Variants in MAGI2 observed in about 807,000 individuals in gnomAD.
MAGI2 encodes membrane-associated guanylate kinase, WW and PDZ domain-containing protein 2.
MAGI2 carries 35 observed loss-of-function variants against 133.3 expected under a neutral mutation model. The ratio of observed to expected loss-of-function variants is 0.26; its 90% CI spans 0.20 to 0.35. The LOEUF is 0.35. Ranked by LOEUF, MAGI2 falls within the 10% of genes least tolerant of loss-of-function variation. The pLI is 1.00. For synonymous variants in MAGI2, 729 were observed against 710.6 expected, an observed-to-expected ratio of 1.03 and a Z score of -0.41; for missense variants, 1,636 against 1,863.4, an observed-to-expected ratio of 0.88 and a Z score of 2.25.
intron 6 of MAGI2, among the ~76,000 whole-genome samples, chr7:78,476,060 G>C (rs1178041966): frequency 6.6e-6 from 1 of 151,852 alleles, no homozygotes; most frequent in Non-Finnish European, 1.5e-5. Context: ...GGGTTCAGAA[G>C]TTGTATTCAT....
chr7:78,431,838 G>GA (rs1482880042), intron 6 of MAGI2, among the ~76,000 whole-genome samples: 4 of 151,882 alleles, frequency 2.6e-5, no homozygotes, highest in African/African-American at 7.3e-5. Context: ...ACTAGGAGGA[G>GA]AAAATAGACA....
chr7:78,303,542 C>T (rs1337769707), intron 9 of MAGI2, among the ~76,000 whole-genome samples: 1 of 152,116 alleles, frequency 6.6e-6, no homozygotes, highest in Non-Finnish European at 1.5e-5. Context: ...AGCGTTGGAA[C>T]TGTCTTTAAC....
At chr7:78,365,912 T>C (rs1393909684) in intron 7 of MAGI2, among the ~76,000 whole-genome samples, 1 of 152,228 alleles carries the variant, frequency 6.6e-6, no homozygotes, top group East Asian at 1.9e-4. Flanking sequence ...TACACTGATT[T>C]CAATCTGATG....
At chr7:78,802,779 G>T (rs969622396) in intron 2 of MAGI2, among the ~76,000 whole-genome samples, 1 of 152,062 alleles carries the variant, frequency 6.6e-6, no homozygotes, top group East Asian at 1.9e-4. Context: ...GTGTCTTGTA[G>T]GTTCATCAAT....
intron 1 of MAGI2, among the ~76,000 whole-genome samples, chr7:79,014,174 G>A (rs1186402091): frequency 1.3e-5 from 2 of 152,126 alleles, no homozygotes; most frequent in African/African-American, 4.8e-5. Flanking sequence ...ATATTCTCTA[G>A]CTCAATTGAA....
At chr7:78,109,437 C>T (rs547801660) in intron 20 of MAGI2, among the ~76,000 whole-genome samples, 2 of 150,002 alleles carry the variant, frequency 1.3e-5, no homozygotes, top group Non-Finnish European at 3.0e-5. Flanking sequence ...TCGAGACCAT[C>T]CTGGCTAAAA....
At chr7:78,956,119 C>T (rs556725430) in intron 2 of MAGI2, among the ~76,000 whole-genome samples, 1 of 152,126 alleles carries the variant, frequency 6.6e-6, no homozygotes, top group Non-Finnish European at 1.5e-5. Context: ...AAGGCCAGTG[C>T]AAGAGGGGCA....
intron 10 of MAGI2, among the ~76,000 whole-genome samples, chr7:78,221,043 A>G (rs937933430): frequency 1.3e-5 from 2 of 152,166 alleles, no homozygotes; most frequent in Non-Finnish European, 1.5e-5. Context: ...TTGGCTCACT[A>G]TGCCATGTTG....
chr7:78,433,960 G>A (rs190628351), intron 6 of MAGI2, among the ~76,000 whole-genome samples: 2 of 152,202 alleles, frequency 1.3e-5, no homozygotes, highest in East Asian at 1.9e-4. Flanking sequence ...CCACAGTCTC[G>A]TCTAGCCAAA....
intron 2 of MAGI2, among the ~76,000 whole-genome samples, chr7:78,665,810 A>G (rs1813499673): frequency 6.6e-6 from 1 of 152,182 alleles, no homozygotes; most frequent in African/African-American, 2.4e-5. Flanking sequence ...CATTAAACTA[A>G]TCTTTGTTGA....
chr7:78,449,995 A>G (rs1391956339), intron 6 of MAGI2, among the ~76,000 whole-genome samples: 1 of 152,110 alleles, frequency 6.6e-6, no homozygotes, highest in African/African-American at 2.4e-5. Context: ...ATGGAGCTTC[A>G]TATTTTTCTT....
intron 2 of MAGI2, among the ~76,000 whole-genome samples, chr7:78,937,601 C>T (rs1223634828): frequency 1.3e-5 from 2 of 152,052 alleles, no homozygotes; most frequent in Non-Finnish European, 2.9e-5. Context: ...TTAACGTCAC[C>T]ATCACAAAGT....
At chr7:78,528,870 A>T (rs1197085501) in intron 3 of MAGI2, among the ~76,000 whole-genome samples, 1 of 152,196 alleles carries the variant, frequency 6.6e-6, no homozygotes, top group African/African-American at 2.4e-5. Flanking sequence ...AAAATATACC[A>T]AATAGCATTT....
At chr7:78,156,334 T>C (rs964052373) in intron 16 of MAGI2, among the ~76,000 whole-genome samples, 8 of 152,054 alleles carry the variant, frequency 5.3e-5, no homozygotes, top group African/African-American at 1.9e-4. Flanking sequence ...CCCTCAGAGA[T>C]ATGTTCATCT....
chr7:79,140,118 T>C (rs1562933513), intron 1 of MAGI2, among the ~76,000 whole-genome samples: 1 of 152,180 alleles, frequency 6.6e-6, no homozygotes, highest in Non-Finnish European at 1.5e-5. Context: ...GGTCTTTAAA[T>C]AGGTCATTTG....
intron 2 of MAGI2, among the ~76,000 whole-genome samples, chr7:78,777,924 A>G (rs923583995): frequency 7.9e-5 from 12 of 152,158 alleles, no homozygotes; most frequent in East Asian, 1.9e-4. Flanking sequence ...GTAATTCATC[A>G]TATATTAACA....
At chr7:79,132,435 C>T (rs541394403) in intron 1 of MAGI2, among the ~76,000 whole-genome samples, 8 of 151,976 alleles carry the variant, frequency 5.3e-5, no homozygotes, top group Non-Finnish European at 8.8e-5. Flanking sequence ...GAATAATGGC[C>T]TCCAGATCCA....
intron 2 of MAGI2, among the ~76,000 whole-genome samples, chr7:78,647,697 A>C (rs948047276): frequency 1.7e-4 from 26 of 152,182 alleles, no homozygotes; most frequent in African/African-American, 6.3e-4. Flanking sequence ...ACATGCACAC[A>C]TATGTTTATT....
intron 3 of MAGI2, among the ~76,000 whole-genome samples, chr7:78,564,783 CTTTTTT>C (rs35069216): frequency 1.1e-4 from 7 of 64,318 alleles, no homozygotes; most frequent in East Asian, 1.1e-3. Context: ...CTTTGACATT[CTTTTTT>C]TTTTTTTTTT....
Sources: gnomAD v4.1 joint callset for allele counts (sites outside exome capture counted in the v4.1 genomes callset) on GRCh38, gnomAD v4.1.1 for gene constraint, MANE v1.5 for transcripts, NCBI Gene and HGNC (gene_info 2026-07-23, HGNC 2026-07-21) for gene names.